Variants in RIMBP2 observed in about 807,000 individuals in gnomAD.
RIMBP2 encodes RIMS-binding protein 2.
RIMBP2 carries 48 observed loss-of-function variants against 118.6 expected under a neutral mutation model. The ratio of observed to expected loss-of-function variants is 0.40; its 90% CI spans 0.32 to 0.51. The LOEUF (loss-of-function observed/expected upper bound fraction) is 0.51, where lower values mean the gene tolerates loss of function less well. Among genes scored for constraint, RIMBP2 ranks in the 20% least tolerant of loss-of-function variants. The pLI is 0.41. For missense variants in RIMBP2, 1,551 were observed against 1,768.3 expected (o/e 0.88, Z 2.20); for synonymous variants, 762 against 742.9 (o/e 1.03, Z -0.42).
At chr12:130,678,332 C>T (rs2064599046) in intron 1 of RIMBP2, among the ~76,000 whole-genome samples, 1 of 152,210 alleles carries the variant, frequency 6.6e-6, no homozygotes, top group African/African-American at 2.4e-5. Flanking sequence ...GAGCCCGAGG[C>T]TGACAGAACT....
chr12:130,530,018 A>C (rs985597989), intron 2 of RIMBP2, among the ~76,000 whole-genome samples: 14 of 152,166 alleles, frequency 9.2e-5, no homozygotes, highest in Admixed American at 7.9e-4. Flanking sequence ...GACCCACACT[A>C]TAAGGGAAAA....
At chr12:130,412,491 A>G (rs1486129335) in intron 19 of RIMBP2, 128 bp downstream of exon 19, 1 of 897,652 alleles carries the variant, frequency 1.1e-6, no homozygotes, top group African/African-American at 1.7e-5. Flanking sequence ...ACTGGTCAAC[A>G]TTTACATGAC....
Position 130,623,931 on chromosome 12 carries a change from C to T in RIMBP2, c.-217+4391G>A, listed in dbSNP as rs568426813. Among the ~76,000 whole-genome samples the T allele has an allele frequency of 1.3e-5, 2 of 152,226 alleles. No individual in the cohort carries two copies. Among genetic ancestry groups the T allele is most frequent in the African/African-American group, 4.8e-5 (2 of 41,464 alleles). On this transcript the variant is annotated intron_variant, in intron 2 of 22. Transcript: ENST00000690449. This position sits in a 1 kb window ranked among gnomAD's most constrained non-coding sequence, Gnocchi z 4.1. ...CAGTGGCAACTGGCTGGATAACACACACCCATTACTGACTTCCTGCCCTGC... is the reference window on the plus strand; with the variant it reads ...CAGTGGCAACTGGCTGGATAACACATACCCATTACTGACTTCCTGCCCTGC...
chr12:130,630,922 G>T (rs1594103648), intron 1 of RIMBP2, among the ~76,000 whole-genome samples: 1 of 152,122 alleles, frequency 6.6e-6, no homozygotes, highest in East Asian at 1.9e-4. Context: ...CTTAGGAAAT[G>T]ACTGGAAGCT....
chr12:130,694,165 C>A (rs944827643), intron 1 of RIMBP2, among the ~76,000 whole-genome samples: 63 of 152,266 alleles, frequency 4.1e-4, no homozygotes, highest in African/African-American at 1.4e-3. Flanking sequence ...GTGTGCAGGC[C>A]CCACCCCTGC....
At chr12:130,614,422 A>G (rs2060771900) in intron 2 of RIMBP2, among the ~76,000 whole-genome samples, 1 of 152,210 alleles carries the variant, frequency 6.6e-6, no homozygotes, top group African/African-American at 2.4e-5. Context: ...TAGATGTGGA[A>G]AAACTGAAGA....
intron 5 of RIMBP2, among the ~76,000 whole-genome samples, chr12:130,478,132 C>T (rs934379325): frequency 6.6e-6 from 1 of 152,192 alleles, no homozygotes; most frequent in African/African-American, 2.4e-5. Context: ...GTCCCCAGAC[C>T]CATCACAGGT....
At chr12:130,639,512 A>T (rs1280131756) in intron 1 of RIMBP2, among the ~76,000 whole-genome samples, 1 of 131,562 alleles carries the variant, frequency 7.6e-6, no homozygotes, top group African/African-American at 2.6e-5. Context: ...AAAAAAAAAA[A>T]ACCAACTAAG....
Position 130,446,979 on chromosome 12 carries a change from G to C in RIMBP2, c.582-1710C>G, listed in dbSNP as rs2078574125. 6.7e-6 allele frequency among the ~76,000 whole-genome samples: 1 copy of C among 150,230 alleles called. No homozygotes were observed. The highest frequency in any genetic ancestry group is 1.5e-5 in the Non-Finnish European group (1 of 67,724). On this transcript the variant is annotated intron_variant, in intron 9 of 22. Coordinates refer to ENST00000690449, the MANE Select transcript of RIMBP2 (RefSeq NM_001393629.1). The surrounding 1 kb of genome is among the most constrained non-coding windows in gnomAD (Gnocchi z 4.1). ...TCTGGCCTCAGGGTGAGCAGGCGGG[G>C]ACACAAGTCACTGAGTGGGGGTTTT...
intron 1 of RIMBP2, among the ~76,000 whole-genome samples, chr12:130,678,059 G>T (rs2064583853): frequency 6.6e-6 from 1 of 152,186 alleles, no homozygotes; most frequent in Non-Finnish European, 1.5e-5. Context: ...GTTCTGGATT[G>T]CCTGAGGGTG....
intron 2 of RIMBP2, among the ~76,000 whole-genome samples, chr12:130,545,451 A>G (rs1257784371): frequency 5.9e-5 from 9 of 152,246 alleles, no homozygotes; most frequent in African/African-American, 2.2e-4. Context: ...ATTAATTTAT[A>G]TTGATTTCCT....
intron 2 of RIMBP2, among the ~76,000 whole-genome samples, chr12:130,614,712 A>G (rs898950310): frequency 6.6e-6 from 1 of 152,200 alleles, no homozygotes; most frequent in Non-Finnish European, 1.5e-5. Flanking sequence ...CATGGTGGTC[A>G]AAGAAAATTG....
At chr12:130,652,043 T>C (rs2063251682) in intron 1 of RIMBP2, among the ~76,000 whole-genome samples, 1 of 152,220 alleles carries the variant, frequency 6.6e-6, no homozygotes. Context: ...AGCTTTATCT[T>C]GTTAGTCTTC....
At chr12:130,600,209 A>C (rs1187567442) in intron 2 of RIMBP2, among the ~76,000 whole-genome samples, 1 of 152,250 alleles carries the variant, frequency 6.6e-6, no homozygotes, top group South Asian at 2.1e-4. Flanking sequence ...GAGCACTGCC[A>C]TCTTGGACAA....
In RIMBP2 at chr12:130,414,105, C is replaced by T. The variant is rs777575421; in HGVS notation, c.3420+20G>A. ...CGCCTCAGGGGCTGATGAAGCCGCC[C>T]GCAGGCAGCCATCCCGCACCTTGAT... On this transcript the variant is annotated intron_variant, in intron 18 of 22. Transcript: ENST00000690449. 8.1e-6 allele frequency: 13 copies of T among 1,613,572 alleles called. No homozygotes were observed. The highest frequency in any genetic ancestry group is 1.7e-4 in the Middle Eastern group (1 of 5,804).
Position 130,424,081 on chromosome 12 carries a change from T to G in RIMBP2, c.3129+61A>C. ...GACACCAGAACAAACAGAAAACCAGTGAAAGGATGGGACAGATTGGTTTGG... is the reference window on the plus strand; with the variant it reads ...GACACCAGAACAAACAGAAAACCAGGGAAAGGATGGGACAGATTGGTTTGG... On this transcript the variant is annotated intron_variant, in intron 16 of 22. Coordinates refer to ENST00000690449, the MANE Select transcript of RIMBP2 (RefSeq NM_001393629.1). The surrounding 1 kb of genome is among the most constrained non-coding windows in gnomAD (Gnocchi z 9.8). The G allele has an allele frequency of 3.3e-6, 3 of 915,278 alleles. No individual in the cohort carries two copies. The highest frequency in any genetic ancestry group is 4.3e-6 in the Non-Finnish European group (3 of 699,048). 56.7% of individuals were successfully genotyped at this position (915,278 alleles called of 1,614,324 possible).
chr12:130,679,706 C>T (rs2064680485), intron 1 of RIMBP2, among the ~76,000 whole-genome samples: 2 of 152,248 alleles, frequency 1.3e-5, no homozygotes, highest in South Asian at 4.1e-4. Flanking sequence ...CTTCACCCTC[C>T]CCTCAAATCC....
At chr12:130,427,188 C>G (rs1249362069) in intron 15 of RIMBP2, 1 of 152,206 alleles carries the variant, frequency 6.6e-6, no homozygotes, top group Admixed American at 6.5e-5. Flanking sequence ...GTCTTCTGTC[C>G]ACCATTCAAA....
chr12:130,711,179 G>A (rs1040998353), intron 1 of RIMBP2, among the ~76,000 whole-genome samples: 1 of 152,200 alleles, frequency 6.6e-6, no homozygotes, highest in Non-Finnish European at 1.5e-5. Context: ...GGAGGCGGAG[G>A]CTGCAGTGAG....
Sources: gnomAD v4.1 joint callset for allele counts (sites outside exome capture counted in the v4.1 genomes callset) on GRCh38, gnomAD v4.1.1 for gene constraint, Gnocchi (gnomAD v3.1) non-coding constraint, MANE v1.5 for transcripts, NCBI Gene and HGNC (gene_info 2026-07-23, HGNC 2026-07-21) for gene names.